LRRIQ3: variants seen among roughly 807,000 people sequenced by gnomAD.
LRRIQ3 encodes the protein leucine-rich repeat and IQ domain-containing protein 3.
In LRRIQ3, 75 loss-of-function variants were observed where a neutral mutation model predicts 59.3. The observed-to-expected ratio is 1.26, with a 90% CI of 1.05 to 1.53. LRRIQ3 has a LOEUF of 1.53. LRRIQ3 is among the 40% of genes most tolerant of loss of function. The probability of loss-of-function intolerance (pLI) is 0.00; values close to 1 mark genes in which losing one functional copy is unlikely to be tolerated. For synonymous variants in LRRIQ3, 250 were observed against 231.3 expected, an observed-to-expected ratio of 1.08 and a Z score of -0.73; for missense variants, 831 against 710.0, an observed-to-expected ratio of 1.17 and a Z score of -1.94.
intron 4 of LRRIQ3, among the ~76,000 whole-genome samples, chr1:74,130,403 A>C (rs912616646): frequency 1.3e-5 from 2 of 152,098 alleles, no homozygotes; most frequent in African/African-American, 4.8e-5. Context: ...ATTTCAATGC[A>C]AAGTTCCACA....
At chr1:74,183,341 C>T in intron 2 of LRRIQ3, 95 bp downstream of exon 2, 5 of 1,071,860 alleles carry the variant, frequency 4.7e-6, no homozygotes, top group Non-Finnish European at 6.4e-6. Context: ...GACAAAAGAC[C>T]ATGTTGAAGA....
At position 74,124,992 on chromosome 1, in the gene LRRIQ3, C is replaced by T. The variant is rs1481502835; in HGVS notation, c.708-15439G>A. Among the ~76,000 whole-genome samples the T allele has an allele frequency of 1.3e-4, 19 of 151,734 alleles. 1 individual carries two copies. Among genetic ancestry groups the T allele is most frequent in the Admixed American group, 1.2e-3 (18 of 15,182 alleles). On this transcript the variant is annotated intron_variant, in intron 4 of 7. Coordinates refer to ENST00000354431, the MANE Select transcript of LRRIQ3 (RefSeq NM_001105659.2). ...AATATTAATTATTCTAATCCAGGAA[C>T]ATATGTATTTCCATTTTTTTTGTAT...
At chr1:74,169,474 G>A (rs1570249444) in intron 3 of LRRIQ3, among the ~76,000 whole-genome samples, 2 of 152,170 alleles carry the variant, frequency 1.3e-5, no homozygotes, top group South Asian at 4.2e-4. Flanking sequence ...GTACTTTGTT[G>A]AGAAACCTCC....
chr1:74,165,492 T>C (rs774403878), intron 3 of LRRIQ3, among the ~76,000 whole-genome samples: 10 of 151,570 alleles, frequency 6.6e-5, no homozygotes, highest in Non-Finnish European at 1.3e-4. Context: ...TCTTTGTAGA[T>C]TCTTGAGGAT....
In LRRIQ3 at chr1:74,036,506, G is replaced by T. The variant is rs77140499; in HGVS notation, c.1718+4707C>A. Among the ~76,000 whole-genome samples the T allele has an allele frequency of 9.9e-5, 15 of 152,252 alleles. No individual in the cohort carries two copies. The East Asian group carries it at 2.7e-3, about 27-fold the overall frequency. ...CTTCTAGGTCACATAACATTTTGAT[G>T]AAATAAATTTGTTATGCCTTTTTCT... is the stretch of plus-strand genomic sequence containing the variant. On this transcript the variant is annotated intron_variant, in intron 7 of 7. Transcript: ENST00000354431.
chr1:74,198,093 C>G lies in LRRIQ3; in HGVS notation c.-98G>C. ...CTGGGCGGCCATCTGCTCCTGAGAC[C>G]GTTGCTAGAGAAACAAGACAACATC... On this transcript the variant is annotated 5_prime_UTR_variant, in exon 1 of 8. Coordinates refer to ENST00000354431, the MANE Select transcript of LRRIQ3 (RefSeq NM_001105659.2). 7.8e-7 allele frequency: 1 copy of G among 1,281,872 alleles called. No individual in the cohort carries two copies. Among genetic ancestry groups the G allele is most frequent in the Non-Finnish European group, 1.0e-6 (1 of 963,424 alleles). The allele number at this position is 1,281,872 out of a possible 1,614,324, so 79.4% of individuals were successfully genotyped here. A position where few individuals can be genotyped will look rare whatever the true frequency, so the allele number is the denominator to read the frequency against.
At chr1:74,041,114 G>T in intron 7 of LRRIQ3, 99 bp downstream of exon 7, 1 of 984,802 alleles carries the variant, frequency 1.0e-6, no homozygotes, top group Non-Finnish European at 1.5e-6. Context: ...AATGTACTAT[G>T]TTACAAACAG....
At chr1:74,189,029 G>GAAGT (rs1489497708) in intron 1 of LRRIQ3, among the ~76,000 whole-genome samples, 1 of 152,106 alleles carries the variant, frequency 6.6e-6, no homozygotes, top group Non-Finnish European at 1.5e-5. Context: ...TGACTCAGTT[G>GAAGT]AAGTAAGCAG....
intron 5 of LRRIQ3, among the ~76,000 whole-genome samples, chr1:74,107,228 C>G (rs1646627394): frequency 1.3e-5 from 2 of 152,000 alleles, no homozygotes; most frequent in Non-Finnish European, 2.9e-5. Context: ...GATTCAGATA[C>G]TGATTACTTC....
At chr1:74,120,147 C>CCTGCTGTGTCAGGG (rs1646832385) in intron 4 of LRRIQ3, among the ~76,000 whole-genome samples, 1 of 149,678 alleles carries the variant, frequency 6.7e-6, no homozygotes, top group Non-Finnish European at 1.5e-5. Context: ...GACATGGAGT[C>CCTGCTGTGTCAGGG]CTGCTGTGTC....
chr1:74,105,467 G>A (rs1646598166), intron 5 of LRRIQ3, among the ~76,000 whole-genome samples: 1 of 151,932 alleles, frequency 6.6e-6, no homozygotes, highest in Non-Finnish European at 1.5e-5. Context: ...TTGCCAGGCT[G>A]GTCTTGAACT....
At chr1:74,059,040 G>T (rs1371641856) in intron 6 of LRRIQ3, among the ~76,000 whole-genome samples, 2 of 151,848 alleles carry the variant, frequency 1.3e-5, no homozygotes, top group Admixed American at 6.6e-5. Context: ...TTCTTTATTT[G>T]TATTGCCCTG....
chr1:74,173,087 G>A (rs2100703551), intron 3 of LRRIQ3, among the ~76,000 whole-genome samples: 1 of 152,086 alleles, frequency 6.6e-6, no homozygotes, highest in East Asian at 1.9e-4. Context: ...GGACCACGAG[G>A]TCAAGAGATT....
intron 7 of LRRIQ3, among the ~76,000 whole-genome samples, chr1:74,036,647 A>T (rs1404849218): frequency 1.3e-5 from 2 of 152,180 alleles, no homozygotes; most frequent in Non-Finnish European, 2.9e-5. Context: ...TAACTCTGTT[A>T]ATCTCATTGC....
At chr1:74,134,427 CA>C (rs1647085151) in intron 4 of LRRIQ3, among the ~76,000 whole-genome samples, 1 of 151,934 alleles carries the variant, frequency 6.6e-6, no homozygotes, top group Non-Finnish European at 1.5e-5. Flanking sequence ...GAAGTGACAT[CA>C]GACAGTAACT....
At chr1:74,174,451 C>CA (rs1347092793) in intron 3 of LRRIQ3, among the ~76,000 whole-genome samples, 2 of 151,902 alleles carry the variant, frequency 1.3e-5, no homozygotes, top group Admixed American at 6.6e-5. Flanking sequence ...GGTGCGATCT[C>CA]AGCTCACTGT....
chr1:74,196,972 A>C (rs113077353), intron 1 of LRRIQ3, among the ~76,000 whole-genome samples: 1 of 152,222 alleles, frequency 6.6e-6, no homozygotes, highest in Non-Finnish European at 1.5e-5. Context: ...AGTAAAAACC[A>C]AAATTCTTCC....
At chr1:74,062,278 A>G (rs981855348) in intron 6 of LRRIQ3, among the ~76,000 whole-genome samples, 6 of 152,112 alleles carry the variant, frequency 3.9e-5, no homozygotes, top group African/African-American at 1.4e-4. Flanking sequence ...GAAGATATAT[A>G]TATGACCAAC....
At chr1:74,136,992 A>G (rs967520611) in intron 4 of LRRIQ3, among the ~76,000 whole-genome samples, 2 of 151,958 alleles carry the variant, frequency 1.3e-5, no homozygotes, top group African/African-American at 2.4e-5. Flanking sequence ...CATGTTAAGT[A>G]TTTTACAAGT....
Sources: gnomAD v4.1 joint callset for allele counts (sites outside exome capture counted in the v4.1 genomes callset) on GRCh38, gnomAD v4.1.1 for gene constraint, MANE v1.5 for transcripts, NCBI Gene and HGNC (gene_info 2026-07-23, HGNC 2026-07-21) for gene names.